The following TMEM132C variants were observed in gnomAD, a reference collection of about 807,000 sequenced individuals.
The protein encoded by TMEM132C is protein phosphatase 1, regulatory subunit 152.
A neutral mutation model predicts 61.4 loss-of-function variants in TMEM132C; 29 were observed. The observed-to-expected ratio is 0.47, with a 90% CI of 0.35 to 0.64. The LOEUF (loss-of-function observed/expected upper bound fraction) is 0.64, where lower values mean the gene tolerates loss of function less well. Ranked by LOEUF, TMEM132C falls within the 30% of genes least tolerant of loss-of-function variation. TMEM132C has a pLI of 0.00. For synonymous variants in TMEM132C, 656 were observed against 633.1 expected, an observed-to-expected ratio of 1.04 and a Z score of -0.54; for missense variants, 1,408 against 1,476.9, an observed-to-expected ratio of 0.95 and a Z score of 0.76.
chr12:128,521,345 G>A (rs917096386), intron 2 of TMEM132C, among the ~76,000 whole-genome samples: 4 of 150,274 alleles, frequency 2.7e-5, no homozygotes, highest in East Asian at 2.0e-4. Flanking sequence ...GTGTGTGTGT[G>A]TATACACTTT....
intron 1 of TMEM132C, among the ~76,000 whole-genome samples, chr12:128,303,790 G>A (rs994345700): frequency 2.6e-5 from 4 of 152,152 alleles, no homozygotes; most frequent in African/African-American, 9.7e-5. Context: ...GTGTTGGCCA[G>A]TAGGATGAGT....
chr12:128,450,977 T>G (rs1283309862), intron 2 of TMEM132C, among the ~76,000 whole-genome samples: 1 of 152,220 alleles, frequency 6.6e-6, no homozygotes, highest in Non-Finnish European at 1.5e-5. Context: ...CTTGTTTTTA[T>G]TTGGAAGTAA....
At chr12:128,372,294 T>C (rs1874050504) in intron 1 of TMEM132C, among the ~76,000 whole-genome samples, 1 of 152,218 alleles carries the variant, frequency 6.6e-6, no homozygotes, top group East Asian at 1.9e-4. Context: ...TGCGTGTGTC[T>C]GTGTGTGTGC....
At chr12:128,403,274 G>C (rs188576276) in intron 1 of TMEM132C, among the ~76,000 whole-genome samples, 1 of 152,190 alleles carries the variant, frequency 6.6e-6, no homozygotes, top group Admixed American at 6.5e-5. Flanking sequence ...GTAAGCTGCA[G>C]TGACTTGGAA....
intron 2 of TMEM132C, among the ~76,000 whole-genome samples, chr12:128,470,800 C>G (rs1400520813): frequency 3.9e-5 from 6 of 152,144 alleles, no homozygotes; most frequent in Admixed American, 3.9e-4. Flanking sequence ...GCCAGGTGGC[C>G]TTTCTTGCAG....
intron 2 of TMEM132C, among the ~76,000 whole-genome samples, chr12:128,509,578 A>G (rs1441762004): frequency 1.3e-5 from 2 of 152,190 alleles, no homozygotes; most frequent in Non-Finnish European, 2.9e-5. Flanking sequence ...CTTTTGGGAT[A>G]GTGAGTTTGG....
intron 2 of TMEM132C, among the ~76,000 whole-genome samples, chr12:128,499,388 T>C (rs775250073): frequency 6.6e-6 from 1 of 152,164 alleles, no homozygotes; most frequent in Non-Finnish European, 1.5e-5. Flanking sequence ...CCTCAAGCAT[T>C]TAGCATTTCT....
intron 1 of TMEM132C, among the ~76,000 whole-genome samples, chr12:128,334,037 G>A (rs899881564): frequency 6.6e-6 from 1 of 151,988 alleles, no homozygotes; most frequent in African/African-American, 2.4e-5. Context: ...GTGTGGGAGC[G>A]AGGGAGGAAG....
At chr12:128,627,412 A>G (rs146428234) in intron 4 of TMEM132C, among the ~76,000 whole-genome samples, 270 of 151,462 alleles carry the variant, frequency 1.8e-3, no homozygotes, top group African/African-American at 6.3e-3. Context: ...TTATGTTTTC[A>G]TTTGTGTATA....
At chr12:128,604,628 A>G (rs1052267993) in intron 3 of TMEM132C, among the ~76,000 whole-genome samples, 13 of 152,208 alleles carry the variant, frequency 8.5e-5, no homozygotes, top group African/African-American at 2.9e-4. Flanking sequence ...AAATGGATGG[A>G]AGATAGATAA....
rs577524474 is a variant in TMEM132C at position 128,636,446 on chromosome 12, T to G, written c.1305+20111T>G. The stretch of plus-strand genomic sequence containing the variant: ...GTACACAATTTCATCAATTTGGACA[T>G]GCACATCTACCTGTGAAATGGTCAT... On this transcript the variant is annotated intron_variant, in intron 4 of 8. Coordinates refer to ENST00000435159, the MANE Select transcript of TMEM132C (RefSeq NM_001136103.3). Among the ~76,000 whole-genome samples the G allele has an allele frequency of 3.9e-5, 6 of 152,294 alleles. No homozygotes were observed. In the South Asian group the frequency reaches 1.2e-3, roughly 32 times the overall value.
intron 1 of TMEM132C, among the ~76,000 whole-genome samples, chr12:128,389,158 C>G (rs1874686310): frequency 6.6e-6 from 1 of 152,188 alleles, no homozygotes; most frequent in Non-Finnish European, 1.5e-5. Flanking sequence ...TTCATTCATT[C>G]ATTCATTCAT....
chr12:128,615,174 G>C (rs1369820673), intron 3 of TMEM132C, among the ~76,000 whole-genome samples: 1 of 152,190 alleles, frequency 6.6e-6, no homozygotes, highest in Non-Finnish European at 1.5e-5. Context: ...CTATAGCAGA[G>C]GAGGACAAGC....
Position 128,706,241 on chromosome 12 carries a change from G to A in TMEM132C, c.3273G>A (p.Val1091=). Residue 1091 remains valine (V), a synonymous_variant, in exon 9 of 9, where the codon GTG becomes GTA. Transcript: ENST00000435159. The part of the protein sequence containing the change: ...DIKWVCQDVA[V]GAPKELRNYL... The stretch of plus-strand genomic sequence containing the variant: ...AATGGGTGTGTCAAGACGTGGCTGT[G>A]GGTGCCCCCAAGGAACTTAGAAACT... 2 of 1,551,434 alleles carry A rather than the reference G, an allele frequency of 1.3e-6. No individual in the cohort carries two copies. The highest frequency in any genetic ancestry group is 1.7e-6 in the Non-Finnish European group (2 of 1,146,832).
rs553486360 is a variant in TMEM132C at position 128,322,302 on chromosome 12, A to G, written c.85+54815A>G. Among the ~76,000 whole-genome samples the G allele has an allele frequency of 7.0e-4, 107 of 152,336 alleles. 1 individual carries two copies. Among genetic ancestry groups the G allele is most frequent in the African/African-American group, 2.6e-3 (107 of 41,590 alleles). On this transcript the variant is annotated intron_variant, in intron 1 of 8. Transcript: ENST00000435159. ...CTCTGCTGCTAGATGTGAGTGACTG[A>G]GCTTCTCCATGGTTCTAACCCCAGC...
chr12:128,341,300 A>G (rs1020996748), intron 1 of TMEM132C, among the ~76,000 whole-genome samples: 4 of 152,192 alleles, frequency 2.6e-5, no homozygotes, highest in Admixed American at 1.3e-4. Context: ...TGGAAAGGCA[A>G]TGGGAATACA....
At chr12:128,587,355 C>T (rs977240365) in intron 3 of TMEM132C, among the ~76,000 whole-genome samples, 1 of 152,160 alleles carries the variant, frequency 6.6e-6, no homozygotes, top group African/African-American at 2.4e-5. Context: ...TCCTCTCTCT[C>T]GAATCTCATC....
chr12:128,307,157 AT>A (rs1484381814), intron 1 of TMEM132C, among the ~76,000 whole-genome samples: 3 of 152,180 alleles, frequency 2.0e-5, no homozygotes, highest in Admixed American at 2.0e-4. Flanking sequence ...ATATGGCACC[AT>A]AAGAGGCAAG....
chr12:128,664,194 T>G (rs1312793504), intron 4 of TMEM132C, among the ~76,000 whole-genome samples: 3 of 96,246 alleles, frequency 3.1e-5, no homozygotes, highest in African/African-American at 1.9e-4. Context: ...ACGCAGGCAC[T>G]CACACAGGCA....
Sources: allele counts gnomAD v4.1 joint callset (sites outside exome capture counted in the v4.1 genomes callset), GRCh38; gene constraint gnomAD v4.1.1; transcripts MANE v1.5; gene names NCBI Gene and HGNC (gene_info 2026-07-23, HGNC 2026-07-21).